PREP: variants seen among roughly 807,000 people sequenced by gnomAD.
PREP encodes the protein prolyl endopeptidase.
A neutral mutation model predicts 87.6 loss-of-function variants in PREP; 29 were observed. That is an observed-to-expected ratio of 0.33 (90% CI 0.25 to 0.45). PREP has a LOEUF of 0.45. PREP is among the 20% of genes least tolerant of loss of function. PREP has a pLI of 1.00. For synonymous variants in PREP, 337 were observed against 328.6 expected (o/e 1.03, Z -0.28); for missense variants, 695 against 886.5 (o/e 0.78, Z 2.74).
chr6:105,396,980 T>A (rs998735661), intron 2 of PREP, among the ~76,000 whole-genome samples: 2 of 151,886 alleles, frequency 1.3e-5, no homozygotes, highest in Non-Finnish European at 2.9e-5. Context: ...GGCCAGGAGT[T>A]CGAGACCAGC....
intron 2 of PREP, among the ~76,000 whole-genome samples, chr6:105,386,651 T>C (rs920973138): frequency 5.3e-5 from 8 of 152,126 alleles, no homozygotes; most frequent in Admixed American, 5.2e-4. Flanking sequence ...CTAAAAAAAA[T>C]GAAAGGTATT....
At chr6:105,328,769 A>T in intron 9 of PREP, 60 bp downstream of exon 9, 5 of 1,560,392 alleles carry the variant, frequency 3.2e-6, no homozygotes, top group Non-Finnish European at 4.4e-6. Flanking sequence ...CATTTCCCCA[A>T]AGAAACCCAA....
At chr6:105,372,485 G>A (rs905161578) in intron 5 of PREP, among the ~76,000 whole-genome samples, 1 of 152,188 alleles carries the variant, frequency 6.6e-6, no homozygotes, top group Non-Finnish European at 1.5e-5. Flanking sequence ...ATGACACATT[G>A]TACCAGTAAG....
intron 10 of PREP, chr6:105,298,779 TG>T (rs1188654903): frequency 6.5e-6 from 1 of 153,438 alleles, no homozygotes; most frequent in Non-Finnish European, 1.5e-5. Flanking sequence ...GTTACAATAA[TG>T]GGTATGCTAA....
rs1024036099 is a variant in PREP at position 105,358,307 on chromosome 6, C to T, written c.718-5230G>A. On this transcript the variant is annotated intron_variant, in intron 6 of 14. Transcript: ENST00000652536. Reference sequence around the variant, plus strand: ...AAACATCAAGGTTAAAACTCTTTACCATTTTTATTACTGTCAATTTTTAAT... The same window carrying T: ...AAACATCAAGGTTAAAACTCTTTACTATTTTTATTACTGTCAATTTTTAAT... Among the ~76,000 whole-genome samples the T allele has an allele frequency of 5.9e-5, 9 of 152,018 alleles. No homozygotes were observed. The South Asian group carries it at 8.3e-4, about 14-fold the overall frequency.
chr6:105,311,923 T>TG, intron 10 of PREP, among the ~76,000 whole-genome samples: 1 of 152,326 alleles, frequency 6.6e-6, no homozygotes, highest in South Asian at 2.1e-4. Context: ...TTCTGAGCAA[T>TG]GGTGTCAAAG....
intron 1 of PREP, among the ~76,000 whole-genome samples, chr6:105,401,640 G>C (rs1773433661): frequency 6.6e-6 from 1 of 152,102 alleles, no homozygotes; most frequent in African/African-American, 2.4e-5. Flanking sequence ...CACAGGAATA[G>C]AGCTTCTTGA....
intron 14 of PREP, among the ~76,000 whole-genome samples, chr6:105,280,053 C>A (rs1770045431): frequency 2.0e-5 from 3 of 152,046 alleles, no homozygotes; most frequent in Admixed American, 6.6e-5. Flanking sequence ...AGTAAAGTAT[C>A]CAGTTAAAAA....
chr6:105,397,057 T>C, intron 2 of PREP, among the ~76,000 whole-genome samples: 1 of 151,866 alleles, frequency 6.6e-6, no homozygotes, highest in Non-Finnish European at 1.5e-5. Flanking sequence ...TGGTGGCACA[T>C]GCCTGTAATC....
intron 10 of PREP, among the ~76,000 whole-genome samples, chr6:105,305,603 G>T (rs752318152): frequency 2.0e-5 from 3 of 152,262 alleles, no homozygotes; most frequent in Non-Finnish European, 1.5e-5. Flanking sequence ...TGCTGTGAAG[G>T]TAAAAGAACA....
Position 105,402,937 on chromosome 6 carries a change from G to T in PREP, c.-46C>A, listed in dbSNP as rs764846370. On this transcript the variant is annotated 5_prime_UTR_variant, in exon 1 of 15. Coordinates refer to ENST00000652536, the MANE Select transcript of PREP (RefSeq NM_002726.5). ...CAGCGTGGAGGGGCGCGGGCTCCGG[G>T]AGCGGACCTGAGCTAGCCGGGCTGG... is the stretch of plus-strand genomic sequence containing the variant. 2.3e-5 allele frequency: 26 copies of T among 1,149,552 alleles called. 1 individual carries two copies. In the South Asian group the frequency reaches 4.7e-4, roughly 21 times the overall value. 71.2% of individuals were successfully genotyped at this position (1,149,552 alleles called of 1,614,324 possible).
At chr6:105,332,396 G>A (rs1562203436) in intron 8 of PREP, among the ~76,000 whole-genome samples, 3 of 152,208 alleles carry the variant, frequency 2.0e-5, no homozygotes, top group Admixed American at 6.5e-5. Context: ...GGACCTGAAC[G>A]TGGATCTGCC....
chr6:105,329,184 G>C (rs573314028), intron 8 of PREP, among the ~76,000 whole-genome samples, 158 bp from the exon 9 acceptor site: 18 of 149,826 alleles, frequency 1.2e-4, no homozygotes, highest in African/African-American at 4.4e-4. Flanking sequence ...ACAGGGTCTT[G>C]CTGTGTCGCC....
intron 7 of PREP, among the ~76,000 whole-genome samples, chr6:105,350,442 GTTA>G (rs1771917824): frequency 6.6e-6 from 1 of 151,980 alleles, no homozygotes; most frequent in Non-Finnish European, 1.5e-5. Context: ...AAAGGCTGTG[GTTA>G]TTATCCCAAT....
At chr6:105,364,642 C>T (rs898528586) in intron 6 of PREP, among the ~76,000 whole-genome samples, 9 of 152,158 alleles carry the variant, frequency 5.9e-5, no homozygotes, top group African/African-American at 1.9e-4. Flanking sequence ...GCTAAGTTCT[C>T]TCCCAGGAGG....
At chr6:105,332,130 G>C (rs965549535) in intron 8 of PREP, among the ~76,000 whole-genome samples, 3 of 152,018 alleles carry the variant, frequency 2.0e-5, no homozygotes, top group South Asian at 4.2e-4. Flanking sequence ...AAGTACAAGA[G>C]GGTTGAAGAG....
chr6:105,334,877 G>A (rs991104214), intron 7 of PREP, among the ~76,000 whole-genome samples: 7 of 152,138 alleles, frequency 4.6e-5, no homozygotes, highest in Admixed American at 1.3e-4. Context: ...AGGACTACAC[G>A]TACACAACCT....
chr6:105,402,418 TCACA>T lies in PREP; in HGVS notation c.45+425_45+428del, dbSNP rs36086068. Among the ~76,000 whole-genome samples, 1,056 of 147,194 alleles carry T rather than the reference TCACA, an allele frequency of 7.2e-3. 6 individuals carry two copies. The highest frequency in any genetic ancestry group is 0.055 in the East Asian group (274 of 5,006). Reference sequence around the variant, plus strand: ...TTTGTTTTCGTTTTTAAATGTGACATCACACACACACACACACACACACACACAC... The same window carrying T: ...TTTGTTTTCGTTTTTAAATGTGACATCACACACACACACACACACACACAC... On this transcript the variant is annotated intron_variant, in intron 1 of 14. Coordinates refer to ENST00000652536, the MANE Select transcript of PREP (RefSeq NM_002726.5).
chr6:105,286,073 G>A (rs1428544977), intron 11 of PREP, among the ~76,000 whole-genome samples: 1 of 152,162 alleles, frequency 6.6e-6, no homozygotes. Flanking sequence ...ACTGCACTCA[G>A]GCAAAGCTAA....
Sources: allele counts gnomAD v4.1 joint callset (sites outside exome capture counted in the v4.1 genomes callset), GRCh38; gene constraint gnomAD v4.1.1; transcripts MANE v1.5; gene names NCBI Gene and HGNC (gene_info 2026-07-23, HGNC 2026-07-21).